Variants in NXN observed in about 807,000 individuals in gnomAD.
NXN encodes nucleoredoxin 1.
A neutral mutation model predicts 48.6 loss-of-function variants in NXN; 16 were observed. The ratio of observed to expected loss-of-function variants is 0.33; its 90% CI spans 0.22 to 0.50. The LOEUF (loss-of-function observed/expected upper bound fraction) is 0.50. NXN is among the 20% of genes least tolerant of loss of function. NXN has a pLI of 0.98. For missense variants in NXN, 492 were observed against 605.5 expected (o/e 0.81, Z 1.97); for synonymous variants, 281 against 269.6 (o/e 1.04, Z -0.41).
intron 1 of NXN, among the ~76,000 whole-genome samples, chr17:883,211 C>T (rs1794317772): frequency 6.6e-6 from 1 of 152,142 alleles, no homozygotes; most frequent in African/African-American, 2.4e-5. Flanking sequence ...TTCCTTCTCT[C>T]TCCACAACTC....
rs115679519 is a variant in NXN, at chr17:921,883, C to G, written c.360+57436G>C. Among the ~76,000 whole-genome samples the G allele has an allele frequency of 5.4e-3, 830 of 152,326 alleles. 11 individuals are homozygous for G. Among genetic ancestry groups the G allele is most frequent in the African/African-American group, 0.019 (804 of 41,564 alleles). ...CCACTGGCATCTCTTCTGGGCTCTACCTGCCCGCAGTCTCACCTGTATCCC... is the reference window on the plus strand; with the variant it reads ...CCACTGGCATCTCTTCTGGGCTCTAGCTGCCCGCAGTCTCACCTGTATCCC... On this transcript the variant is annotated intron_variant, in intron 1 of 7. Coordinates refer to ENST00000336868, the MANE Select transcript of NXN (RefSeq NM_022463.5).
chr17:839,964 A>G (rs1391602974), intron 1 of NXN, among the ~76,000 whole-genome samples: 1 of 151,118 alleles, frequency 6.6e-6, no homozygotes, highest in Non-Finnish European at 1.5e-5. Context: ...GGGCAAGGAG[A>G]CAGGTGCCTG....
chr17:886,574 C>T (rs1416156457), intron 1 of NXN, among the ~76,000 whole-genome samples: 3 of 152,074 alleles, frequency 2.0e-5, no homozygotes, highest in Non-Finnish European at 4.4e-5. Context: ...GTCAGGAGTT[C>T]GAGATCAGCC....
rs150915668 is a variant in NXN, at chr17:838,538, G to A, written c.361-12460C>T. Among the ~76,000 whole-genome samples the A allele has an allele frequency of 6.0e-3, 912 of 152,280 alleles. 6 individuals are homozygous for A. The highest frequency in any genetic ancestry group is 0.021 in the African/African-American group (886 of 41,558). On this transcript the variant is annotated intron_variant, in intron 1 of 7. Coordinates refer to ENST00000336868, the MANE Select transcript of NXN (RefSeq NM_022463.5). ...CAACACTCTAATCAAAGTGCCACAG[G>A]GATGAAAGTGGTGAGACGCCGAGTC...
intron 7 of NXN, 80 bp from the exon 8 acceptor site, chr17:801,211 G>T: frequency 8.4e-7 from 1 of 1,183,624 alleles, no homozygotes; most frequent in Non-Finnish European, 1.1e-6. Flanking sequence ...AGTCTCCCCA[G>T]GTGTGGTAGC....
At chr17:964,299 T>A (rs1434420752) in intron 1 of NXN, among the ~76,000 whole-genome samples, 1 of 152,174 alleles carries the variant, frequency 6.6e-6, no homozygotes, top group Non-Finnish European at 1.5e-5. Flanking sequence ...TCTATTTGCC[T>A]GAACTGTTGG....
intron 5 of NXN, among the ~76,000 whole-genome samples, chr17:806,579 C>T (rs1911539406): frequency 6.6e-6 from 1 of 152,100 alleles, no homozygotes; most frequent in Non-Finnish European, 1.5e-5. Context: ...CCCCCCACAC[C>T]CTGCACGTTC....
Position 979,346 on chromosome 17 carries a change from C to T in NXN, c.333G>A (p.Ala111=). The T allele has an allele frequency of 2.0e-6, 3 of 1,534,702 alleles. No homozygotes were observed. The highest frequency in any genetic ancestry group is 1.8e-5 in the Admixed American group (1 of 55,170). Residue 111 remains alanine (A), a synonymous_variant, in exon 1 of 8, where the codon GCG becomes GCA. Coordinates refer to ENST00000336868, the MANE Select transcript of NXN (RefSeq NM_022463.5). ...TCCTGTGCTTCTCCTTGTAGGGCAG[C>T]GCCAGCCACGGCATGTCCCGCACGA... ...QDFVRDMPWL[A]LPYKEKHRKL...
chr17:946,207 CTCACTGCAAGCTCCGCCTCCCGGG>C (rs2069041957), intron 1 of NXN, among the ~76,000 whole-genome samples: 2 of 40,516 alleles, frequency 4.9e-5, no homozygotes, highest in Non-Finnish European at 1.6e-4. Context: ...GCGATCCCTG[CTCACTGCAAGCTCCGCCTCCCGGG>C]GATCCCTGCT....
At chr17:915,996 A>T (rs2144937309) in intron 1 of NXN, among the ~76,000 whole-genome samples, 1 of 152,352 alleles carries the variant, frequency 6.6e-6, no homozygotes, top group Non-Finnish European at 1.5e-5. Flanking sequence ...CATTTTGTAA[A>T]GGCACTTCTC....
intron 1 of NXN, among the ~76,000 whole-genome samples, chr17:835,118 C>G (rs899890648): frequency 1.3e-5 from 2 of 151,224 alleles, no homozygotes; most frequent in Non-Finnish European, 3.0e-5. Context: ...ACCATCCTGG[C>G]TAACATGGTG....
chr17:831,334 G>A (rs1198917374), intron 1 of NXN, among the ~76,000 whole-genome samples: 2 of 151,998 alleles, frequency 1.3e-5, no homozygotes, highest in Non-Finnish European at 2.9e-5. Flanking sequence ...GTATACAAGA[G>A]GATGTATATA....
intron 1 of NXN, among the ~76,000 whole-genome samples, chr17:955,818 C>T (rs943059429): frequency 1.3e-5 from 2 of 151,808 alleles, no homozygotes; most frequent in South Asian, 4.2e-4. Context: ...AGGAGAATGG[C>T]GTGAACCCGG....
At chr17:923,931 A>G (rs1309392146) in intron 1 of NXN, among the ~76,000 whole-genome samples, 1 of 152,224 alleles carries the variant, frequency 6.6e-6, no homozygotes, top group African/African-American at 2.4e-5. Flanking sequence ...TATATAGTTA[A>G]ACCCCACTTT....
At chr17:827,026 G>A (rs1361384901) in intron 1 of NXN, among the ~76,000 whole-genome samples, 3 of 152,162 alleles carry the variant, frequency 2.0e-5, no homozygotes, top group African/African-American at 7.2e-5. Context: ...GGGTGCTCTC[G>A]AACCTCCCCG....
intron 7 of NXN, 41 bp downstream of exon 7, chr17:803,641 A>G (rs1367780345): frequency 6.2e-7 from 1 of 1,613,298 alleles, no homozygotes; most frequent in African/African-American, 1.3e-5. Flanking sequence ...CAGAAGTCCC[A>G]GCTGAGCCAG....
At chr17:846,676 T>C (rs897905159) in intron 1 of NXN, among the ~76,000 whole-genome samples, 7 of 150,910 alleles carry the variant, frequency 4.6e-5, no homozygotes, top group Admixed American at 2.0e-4. Flanking sequence ...TTTGATTTTT[T>C]TTTAGATAGG....
chr17:822,135 C>G lies in NXN; in HGVS notation c.713+222G>C, dbSNP rs550258437. Among the ~76,000 whole-genome samples the G allele has an allele frequency of 5.1e-4, 78 of 151,786 alleles. 1 individual carries two copies. Among genetic ancestry groups the G allele is most frequent in the South Asian group, 1.7e-3 (8 of 4,802 alleles). ...CTCCACTAAAAATACAAAAATTAGC[C>G]GGGCATGGTGGCGGGCACCTGTAAT... On this transcript the variant is annotated intron_variant, in intron 4 of 7. Transcript: ENST00000336868.
chr17:951,628 C>T (rs2069112034), intron 1 of NXN, among the ~76,000 whole-genome samples: 4 of 151,878 alleles, frequency 2.6e-5, no homozygotes, highest in African/African-American at 7.3e-5. Context: ...CTGATCCAGG[C>T]GCTCTCTGGC....
Sources: allele counts gnomAD v4.1 joint callset (sites outside exome capture counted in the v4.1 genomes callset), GRCh38; gene constraint gnomAD v4.1.1; transcripts MANE v1.5; gene names NCBI Gene and HGNC (gene_info 2026-07-23, HGNC 2026-07-21).